Variants in SCHIP1 observed in about 807,000 individuals in gnomAD.
The protein encoded by SCHIP1 is schwannomin interacting protein 1.
SCHIP1 carries 8 observed loss-of-function variants against 29.7 expected under a neutral mutation model. That is an observed-to-expected ratio of 0.27 (90% CI 0.16 to 0.49). The LOEUF (loss-of-function observed/expected upper bound fraction) is 0.49, where lower values mean the gene tolerates loss of function less well. Ranked by LOEUF, SCHIP1 falls within the 20% of genes least tolerant of loss-of-function variation. The probability of loss-of-function intolerance (pLI) is 0.99; values close to 1 mark genes in which losing one functional copy is unlikely to be tolerated. For synonymous variants in SCHIP1, 76 were observed against 94.9 expected (o/e 0.80, Z 1.16); for missense variants, 193 against 294.6 (o/e 0.66, Z 2.52).
the SCHIP1 span, among the ~76,000 whole-genome samples, chr3:159,548,008 A>G: frequency 6.6e-6 from 1 of 152,110 alleles, no homozygotes; most frequent in African/African-American, 2.4e-5. Flanking sequence ...CCAATCTTGT[A>G]TTTCTTAAAT....
the SCHIP1 span, among the ~76,000 whole-genome samples, chr3:159,530,097 C>G: frequency 6.6e-6 from 1 of 152,186 alleles, no homozygotes; most frequent in Non-Finnish European, 1.5e-5. Context: ...GATTTCCTTT[C>G]TTTTGAATAA....
the SCHIP1 span, among the ~76,000 whole-genome samples, chr3:159,626,169 T>G: frequency 3.8e-5 from 2 of 52,226 alleles, no homozygotes; most frequent in African/African-American, 2.5e-4. Context: ...TATCTAGATA[T>G]ATCTATCTAT....
chr3:159,561,441 C>T, the SCHIP1 span, among the ~76,000 whole-genome samples: 9 of 152,294 alleles, frequency 5.9e-5, 1 homozygote, highest in South Asian at 1.9e-3. Context: ...AATAATTCAT[C>T]AGATGCCAAT....
the SCHIP1 span, among the ~76,000 whole-genome samples, chr3:159,750,418 G>C: frequency 6.6e-6 from 1 of 151,716 alleles, no homozygotes; most frequent in Admixed American, 6.6e-5. Context: ...TATTTAGAAG[G>C]TGGAATCATT....
the SCHIP1 span, among the ~76,000 whole-genome samples, chr3:159,399,126 G>A: frequency 2.6e-5 from 4 of 151,590 alleles, no homozygotes; most frequent in South Asian, 2.1e-4. Context: ...TGGCTGTTTC[G>A]TCTGCTTGGA....
the SCHIP1 span, among the ~76,000 whole-genome samples, chr3:159,493,780 C>G: frequency 6.6e-6 from 1 of 152,294 alleles, no homozygotes. Flanking sequence ...ACTCTCCACC[C>G]CAAATCAAGA....
the SCHIP1 span, chr3:159,274,763 C>G: frequency 2.5e-6 from 2 of 808,840 alleles, no homozygotes; most frequent in Non-Finnish European, 3.0e-6. Context: ...TTTAACAAAT[C>G]ATGATTCTTT....
chr3:159,357,083 C>A, the SCHIP1 span, among the ~76,000 whole-genome samples: 1 of 152,188 alleles, frequency 6.6e-6, no homozygotes, highest in Non-Finnish European at 1.5e-5. Context: ...AGATAAAACA[C>A]CTTAACACAA....
chr3:159,405,049 G>A, the SCHIP1 span, among the ~76,000 whole-genome samples: 2 of 152,168 alleles, frequency 1.3e-5, no homozygotes, highest in Non-Finnish European at 2.9e-5. Flanking sequence ...GTACCTCTGT[G>A]AGTCTGTAGG....
the SCHIP1 span, among the ~76,000 whole-genome samples, chr3:159,551,295 TAA>T: frequency 6.6e-6 from 1 of 152,194 alleles, no homozygotes; most frequent in Non-Finnish European, 1.5e-5. Context: ...GGTTTACTTT[TAA>T]AAGAGTATGC....
At chr3:159,802,283 T>G in the SCHIP1 span, among the ~76,000 whole-genome samples, 2 of 152,204 alleles carry the variant, frequency 1.3e-5, no homozygotes, top group South Asian at 4.1e-4. Context: ...TGCAAGTAAA[T>G]GGCAAAGCCA....
At chr3:159,741,667 G>C in the SCHIP1 span, among the ~76,000 whole-genome samples, 1 of 152,148 alleles carries the variant, frequency 6.6e-6, no homozygotes, top group Non-Finnish European at 1.5e-5. Context: ...ACATAGAAAA[G>C]GCCATATGGG....
chr3:159,348,748 T>C, the SCHIP1 span, among the ~76,000 whole-genome samples: 16 of 152,162 alleles, frequency 1.1e-4, no homozygotes, highest in Non-Finnish European at 2.2e-4. Flanking sequence ...ATAAACTCTT[T>C]AGGTTATTTT....
chr3:159,300,677 A>G, the SCHIP1 span, among the ~76,000 whole-genome samples: 5 of 152,214 alleles, frequency 3.3e-5, no homozygotes, highest in African/African-American at 9.6e-5. Flanking sequence ...CAGGCCTTGC[A>G]AAGTCCTGCT....
the SCHIP1 span, among the ~76,000 whole-genome samples, chr3:159,398,437 A>T: frequency 6.6e-6 from 1 of 152,180 alleles, no homozygotes; most frequent in African/African-American, 2.4e-5. Flanking sequence ...CTGGTAGGTC[A>T]GGGGTTGTCA....
At chr3:159,514,379 C>G in the SCHIP1 span, among the ~76,000 whole-genome samples, 1 of 152,176 alleles carries the variant, frequency 6.6e-6, no homozygotes, top group Non-Finnish European at 1.5e-5. Flanking sequence ...AAGAAATTAC[C>G]TATTTGTTTA....
chr3:159,472,783 C>T, the SCHIP1 span, among the ~76,000 whole-genome samples: 1 of 152,132 alleles, frequency 6.6e-6, no homozygotes, highest in Non-Finnish European at 1.5e-5. Flanking sequence ...ACCGACCTGA[C>T]CAGCTGAGAA....
At chr3:159,464,091 A>C in the SCHIP1 span, among the ~76,000 whole-genome samples, 1 of 152,204 alleles carries the variant, frequency 6.6e-6, no homozygotes, top group Admixed American at 6.6e-5. Context: ...TTCCAGAAAT[A>C]GAATTACTAG....
the SCHIP1 span, among the ~76,000 whole-genome samples, chr3:159,779,641 G>C: frequency 0.74 from 112,293 of 151,752 alleles, 42,315 homozygotes; most frequent in East Asian, 0.99. Context: ...CCATGGCACT[G>C]CAGTCCATGA....
Sources: gnomAD v4.1 joint callset for allele counts (sites outside exome capture counted in the v4.1 genomes callset) on GRCh38, gnomAD v4.1.1 for gene constraint, MANE v1.5 for transcripts, NCBI Gene and HGNC (gene_info 2026-07-23, HGNC 2026-07-21) for gene names.